Variants in RSPO3 observed in about 807,000 individuals in gnomAD.
RSPO3 encodes R-spondin-3.
A neutral mutation model predicts 36.5 loss-of-function variants in RSPO3; 17 were observed. The ratio of observed to expected loss-of-function variants is 0.47; its 90% CI spans 0.32 to 0.70. RSPO3 has a LOEUF of 0.70. Among genes scored for constraint, RSPO3 ranks in the 30% least tolerant of loss-of-function variants. RSPO3 has a pLI of 0.04. For synonymous variants in RSPO3, 108 were observed against 107.0 expected (o/e 1.01, Z -0.06); for missense variants, 294 against 322.5 (o/e 0.91, Z 0.68).
At chr6:127,186,742 A>AT (rs1416850340) in intron 4 of RSPO3, among the ~76,000 whole-genome samples, 1 of 152,198 alleles carries the variant, frequency 6.6e-6, no homozygotes, top group African/African-American at 2.4e-5. Context: ...AGGCAAACTA[A>AT]TTTATCGCAA....
At chr6:127,132,559 T>G (rs1400476874) in intron 1 of RSPO3, among the ~76,000 whole-genome samples, 1 of 152,136 alleles carries the variant, frequency 6.6e-6, no homozygotes, top group East Asian at 1.9e-4. Context: ...AATGCAATTC[T>G]TGGCTAGTTC....
intron 4 of RSPO3, among the ~76,000 whole-genome samples, chr6:127,192,962 C>A (rs1775442368): frequency 6.6e-6 from 1 of 152,126 alleles, no homozygotes; most frequent in Non-Finnish European, 1.5e-5. Flanking sequence ...TTTTAATGGA[C>A]TACAGCCACT....
chr6:127,192,093 TATTTTCAGTCTCTGAAATC>T (rs1315755322), intron 4 of RSPO3, among the ~76,000 whole-genome samples: 8 of 152,198 alleles, frequency 5.3e-5, no homozygotes, highest in Non-Finnish European at 1.0e-4. Context: ...TCAGGGGAAT[TATTTTCAGTCTCTGAAATC>T]ATTTTCAGTC....
chr6:127,150,253 C>T (rs1450427392), intron 2 of RSPO3, among the ~76,000 whole-genome samples, 173 bp from the exon 3 acceptor site: 1 of 151,560 alleles, frequency 6.6e-6, no homozygotes, highest in Non-Finnish European at 1.5e-5. Context: ...AACCAATGTA[C>T]CTCAACTAAA....
intron 4 of RSPO3, among the ~76,000 whole-genome samples, chr6:127,166,170 G>A (rs948778792): frequency 6.6e-6 from 1 of 151,936 alleles, no homozygotes; most frequent in African/African-American, 2.4e-5. Flanking sequence ...GTGTGTGCAT[G>A]TTTACTTGTG....
chr6:127,154,641 G>A (rs1205598142), intron 3 of RSPO3, among the ~76,000 whole-genome samples: 2 of 152,136 alleles, frequency 1.3e-5, no homozygotes, highest in Non-Finnish European at 2.9e-5. Flanking sequence ...CCAAAGACCT[G>A]GATTCATTTT....
intron 3 of RSPO3, among the ~76,000 whole-genome samples, chr6:127,152,801 T>C (rs540676200): frequency 5.9e-5 from 9 of 152,246 alleles, no homozygotes; most frequent in African/African-American, 2.2e-4. Flanking sequence ...ACATATTCTT[T>C]TCACTTTGTG....
intron 1 of RSPO3, among the ~76,000 whole-genome samples, chr6:127,147,784 A>G (rs772652160): frequency 2.6e-5 from 4 of 152,192 alleles, no homozygotes. Context: ...TTCTTAAGGT[A>G]GACTGGTCCA....
intron 1 of RSPO3, among the ~76,000 whole-genome samples, chr6:127,143,122 T>C (rs1234045987): frequency 6.6e-6 from 1 of 152,082 alleles, no homozygotes; most frequent in Non-Finnish European, 1.5e-5. Context: ...TTTAAAAAAA[T>C]AGCTTTTTTA....
chr6:127,186,174 T>G (rs1052696813), intron 4 of RSPO3, among the ~76,000 whole-genome samples: 1 of 152,138 alleles, frequency 6.6e-6, no homozygotes, highest in Non-Finnish European at 1.5e-5. Context: ...CCATCAAAGA[T>G]GAAGACAGTG....
intron 4 of RSPO3, among the ~76,000 whole-genome samples, chr6:127,177,054 C>T (rs1775070756): frequency 1.3e-5 from 2 of 151,828 alleles, no homozygotes; most frequent in South Asian, 4.1e-4. Flanking sequence ...GATTAGCCTG[C>T]CTTTGGAGTT....
intron 4 of RSPO3, among the ~76,000 whole-genome samples, chr6:127,186,991 T>C (rs1168613079): frequency 6.6e-6 from 1 of 152,188 alleles, no homozygotes; most frequent in East Asian, 1.9e-4. Context: ...TTTAAATTGC[T>C]GAGAGAACTT....
chr6:127,150,635 A>G, intron 3 of RSPO3, 63 bp downstream of exon 3: 1 of 1,508,782 alleles, frequency 6.6e-7, no homozygotes, highest in East Asian at 2.3e-5. Context: ...GGTGCTTTTC[A>G]AAGTCCTTTG....
At chr6:127,137,307 C>T (rs1774179495) in intron 1 of RSPO3, among the ~76,000 whole-genome samples, 1 of 152,160 alleles carries the variant, frequency 6.6e-6, no homozygotes, top group African/African-American at 2.4e-5. Context: ...AGGCGAATCT[C>T]TTGAACCCGG....
chr6:127,160,557 T>A (rs1202001580), intron 4 of RSPO3, among the ~76,000 whole-genome samples: 1 of 152,194 alleles, frequency 6.6e-6, no homozygotes, highest in Non-Finnish European at 1.5e-5. Context: ...CAGAGGAAGT[T>A]CTGCAGTCAC....
At chr6:127,182,037 C>T (rs912597920) in intron 4 of RSPO3, among the ~76,000 whole-genome samples, 7 of 151,784 alleles carry the variant, frequency 4.6e-5, no homozygotes, top group Non-Finnish European at 7.4e-5. Flanking sequence ...GGAACTGGCA[C>T]GTGCAGATCA....
At chr6:127,159,286 G>T (rs369995728) in intron 4 of RSPO3, among the ~76,000 whole-genome samples, 2 of 152,168 alleles carry the variant, frequency 1.3e-5, no homozygotes, top group Admixed American at 6.5e-5. Context: ...AAGAATAAAA[G>T]AAATTTTGTT....
intron 4 of RSPO3, among the ~76,000 whole-genome samples, chr6:127,189,673 C>G (rs987829528): frequency 6.6e-6 from 1 of 152,166 alleles, no homozygotes. Flanking sequence ...TCAGAGCTAT[C>G]TTTGTAAAAG....
chr6:127,187,143 G>C (rs567869433), intron 4 of RSPO3, among the ~76,000 whole-genome samples: 1 of 152,076 alleles, frequency 6.6e-6, no homozygotes, highest in Non-Finnish European at 1.5e-5. Context: ...TAGAGTACGA[G>C]TGTTACAAAA....
Sources: gnomAD v4.1 joint callset for allele counts (sites outside exome capture counted in the v4.1 genomes callset) on GRCh38, gnomAD v4.1.1 for gene constraint, MANE v1.5 for transcripts, NCBI Gene and HGNC (gene_info 2026-07-23, HGNC 2026-07-21) for gene names.